The following MYO1D variants were observed in gnomAD, a reference collection of about 807,000 sequenced individuals.
MYO1D encodes unconventional myosin-Id.
MYO1D carries 83 observed loss-of-function variants against 122.0 expected under a neutral mutation model. The observed-to-expected ratio is 0.68, with a 90% CI of 0.57 to 0.82. The LOEUF is 0.82. Ranked by LOEUF, MYO1D falls within the 40% of genes least tolerant of loss-of-function variation. The probability of loss-of-function intolerance (pLI) is 0.00; values close to 1 mark genes in which losing one functional copy is unlikely to be tolerated. For missense variants in MYO1D, 1,157 were observed against 1,269.5 expected, an observed-to-expected ratio of 0.91 and a Z score of 1.35; for synonymous variants, 464 against 446.9, an observed-to-expected ratio of 1.04 and a Z score of -0.48.
At chr17:32,763,124 T>G (rs1194428000) in intron 8 of MYO1D, among the ~76,000 whole-genome samples, 1 of 151,344 alleles carries the variant, frequency 6.6e-6, no homozygotes, top group Non-Finnish European at 1.5e-5. Context: ...AGGCAGAGCT[T>G]GCAGTGAGCT....
chr17:32,725,269 A>C (rs2089558380), intron 14 of MYO1D, among the ~76,000 whole-genome samples: 2 of 152,224 alleles, frequency 1.3e-5, no homozygotes, highest in African/African-American at 4.8e-5. Context: ...CTGTAATCCC[A>C]GCCCTTTAGG....
At chr17:32,776,074 C>T (rs1359689801) in intron 3 of MYO1D, 45 bp from the exon 4 acceptor site, 3 of 1,554,196 alleles carry the variant, frequency 1.9e-6, no homozygotes, top group South Asian at 2.4e-5. Context: ...CTTATAGAGA[C>T]TAGAATTTTT....
At chr17:32,863,532 G>C (rs544381077) in intron 1 of MYO1D, among the ~76,000 whole-genome samples, 5 of 152,334 alleles carry the variant, frequency 3.3e-5, no homozygotes, top group South Asian at 2.1e-4. Flanking sequence ...GAGGCACACA[G>C]AAAGCAACGA....
At chr17:32,764,450 G>C (rs1331675141) in intron 8 of MYO1D, among the ~76,000 whole-genome samples, 2 of 152,122 alleles carry the variant, frequency 1.3e-5, no homozygotes, top group Admixed American at 1.3e-4. Context: ...ATGGTAAGTA[G>C]GTGAGGTAAG....
At chr17:32,589,707 C>T (rs530578210) in intron 21 of MYO1D, among the ~76,000 whole-genome samples, 3 of 152,230 alleles carry the variant, frequency 2.0e-5, no homozygotes, top group South Asian at 2.1e-4. Context: ...TCTTTAACTT[C>T]GTGCTTCCTT....
intron 1 of MYO1D, among the ~76,000 whole-genome samples, chr17:32,869,928 G>A (rs549485316): frequency 1.1e-4 from 17 of 151,852 alleles, no homozygotes; most frequent in African/African-American, 2.7e-4. Context: ...GTGAGACCTC[G>A]TCTAAAAAAA....
chr17:32,777,174 C>T (rs1295735866), intron 3 of MYO1D, among the ~76,000 whole-genome samples: 1 of 151,998 alleles, frequency 6.6e-6, no homozygotes, highest in African/African-American at 2.4e-5. Flanking sequence ...TTACACATAT[C>T]CCTGTCCTTG....
chr17:32,865,442 G>C (rs2091115524), intron 1 of MYO1D, among the ~76,000 whole-genome samples: 1 of 152,138 alleles, frequency 6.6e-6, no homozygotes, highest in East Asian at 1.9e-4. Flanking sequence ...AGTGGTAATG[G>C]GTTTTTTCCC....
At chr17:32,723,019 T>A (rs1040882154) in intron 14 of MYO1D, among the ~76,000 whole-genome samples, 6 of 152,148 alleles carry the variant, frequency 3.9e-5, no homozygotes, top group African/African-American at 1.4e-4. Context: ...CATGCCTTTG[T>A]GATGAAACGC....
intron 19 of MYO1D, among the ~76,000 whole-genome samples, chr17:32,647,873 T>C (rs893123259): frequency 2.0e-5 from 3 of 152,118 alleles, no homozygotes; most frequent in Admixed American, 1.3e-4. Flanking sequence ...TGACATTTAT[T>C]TCATTCTAAC....
intron 16 of MYO1D, among the ~76,000 whole-genome samples, chr17:32,664,705 GCAAA>G (rs1468064079): frequency 6.6e-6 from 1 of 152,154 alleles, no homozygotes; most frequent in African/African-American, 2.4e-5. Flanking sequence ...GAGGACAGCG[GCAAA>G]CAGAGAGGCC....
At chr17:32,617,546 T>A (rs531099973) in intron 20 of MYO1D, among the ~76,000 whole-genome samples, 21 of 152,146 alleles carry the variant, frequency 1.4e-4, no homozygotes, top group African/African-American at 4.8e-4. Context: ...GTTCCAGCAA[T>A]CCTCCTGCCT....
rs573506817 is a variant in MYO1D at position 32,692,885 on chromosome 17, A to T, written c.2121+19103T>A. On this transcript the variant is annotated intron_variant, in intron 16 of 21. Coordinates refer to ENST00000318217, the MANE Select transcript of MYO1D (RefSeq NM_015194.3). ...ATTCTTTAATAAGGTTGATAATTAA[A>T]TACTCCCTCCACCAAAATATGCTCT... is the stretch of plus-strand genomic sequence containing the variant. Among the ~76,000 whole-genome samples, 9 of 152,364 alleles carry T rather than the reference A, an allele frequency of 5.9e-5. No homozygotes were observed. In the South Asian group the frequency reaches 1.9e-3, roughly 32 times the overall value.
chr17:32,807,233 A>G (rs2090522822), intron 1 of MYO1D, among the ~76,000 whole-genome samples: 1 of 152,174 alleles, frequency 6.6e-6, no homozygotes, highest in South Asian at 2.1e-4. Flanking sequence ...AGCAGTTTAA[A>G]CACTTTATTA....
At chr17:32,574,474 C>T (rs573504555) in intron 21 of MYO1D, among the ~76,000 whole-genome samples, 1 of 152,142 alleles carries the variant, frequency 6.6e-6, no homozygotes, top group Non-Finnish European at 1.5e-5. Context: ...CCAAATCAGG[C>T]TAATTGTCTT....
intron 19 of MYO1D, among the ~76,000 whole-genome samples, chr17:32,650,183 A>T (rs1203681129): frequency 6.6e-6 from 1 of 152,126 alleles, no homozygotes; most frequent in East Asian, 1.9e-4. Flanking sequence ...TTTTTGAAAG[A>T]TATATTTGCT....
chr17:32,708,796 T>C (rs565786348), intron 16 of MYO1D, among the ~76,000 whole-genome samples: 35 of 152,320 alleles, frequency 2.3e-4, no homozygotes, highest in Non-Finnish European at 4.0e-4. Flanking sequence ...TGGACAGCTT[T>C]CCCTTCACTG....
At chr17:32,546,798 T>G (rs1427912628) in intron 21 of MYO1D, among the ~76,000 whole-genome samples, 1 of 152,210 alleles carries the variant, frequency 6.6e-6, no homozygotes, top group East Asian at 1.9e-4. Flanking sequence ...AATGCCCAGA[T>G]GCAAATTCAG....
intron 20 of MYO1D, among the ~76,000 whole-genome samples, chr17:32,619,767 A>T (rs867533036): frequency 6.6e-6 from 1 of 152,176 alleles, no homozygotes; most frequent in Non-Finnish European, 1.5e-5. Flanking sequence ...TACCAACTTA[A>T]TTAAGCTGCT....
Sources: allele counts gnomAD v4.1 joint callset (sites outside exome capture counted in the v4.1 genomes callset), GRCh38; gene constraint gnomAD v4.1.1; transcripts MANE v1.5; gene names NCBI Gene and HGNC (gene_info 2026-07-23, HGNC 2026-07-21).